The following SUFU variants were observed in gnomAD, a reference collection of about 807,000 sequenced individuals.
SUFU encodes the protein suppressor of fused homolog.
In SUFU, 7 loss-of-function variants were observed where a neutral mutation model predicts 58.9. The ratio of observed to expected loss-of-function variants is 0.12; its 90% CI spans 0.07 to 0.22. The LOEUF is 0.22. Ranked by LOEUF, SUFU falls within the 10% of genes least tolerant of loss-of-function variation. The pLI, the probability that SUFU is intolerant of heterozygous loss-of-function variation, is 1.00. For missense variants in SUFU, 451 were observed against 641.3 expected (o/e 0.70, Z 3.20); for synonymous variants, 232 against 254.8 (o/e 0.91, Z 0.85).
At chr10:102,512,854 A>T (rs1397430885) in intron 2 of SUFU, among the ~76,000 whole-genome samples, 1 of 152,116 alleles carries the variant, frequency 6.6e-6, no homozygotes, top group Non-Finnish European at 1.5e-5. Flanking sequence ...GCTTGAGCCC[A>T]GGAGTTTGAC....
At chr10:102,567,546 C>T (rs976817799) in intron 3 of SUFU, among the ~76,000 whole-genome samples, 2 of 152,134 alleles carry the variant, frequency 1.3e-5, no homozygotes, top group African/African-American at 4.8e-5. Flanking sequence ...CAGAATGGCC[C>T]TCCCTCGAGG....
At chr10:102,612,788 C>A (rs1250226471) in intron 8 of SUFU, among the ~76,000 whole-genome samples, 1 of 152,228 alleles carries the variant, frequency 6.6e-6, no homozygotes, top group East Asian at 1.9e-4. Flanking sequence ...TAAACTCACT[C>A]TGAGCCCTTC....
intron 8 of SUFU, among the ~76,000 whole-genome samples, chr10:102,605,696 C>G (rs570124382): frequency 6.6e-6 from 1 of 150,814 alleles, no homozygotes; most frequent in South Asian, 2.1e-4. Flanking sequence ...TTTTCCAGTT[C>G]TGCCTTAAAG....
In SUFU at chr10:102,619,581, G is replaced by GGGT; in HGVS notation, c.1296+2155_1296+2156insTGG. 2 of 908,292 alleles carry GGGT rather than the reference G, an allele frequency of 2.2e-6. No homozygotes were observed. Among genetic ancestry groups the GGGT allele is most frequent in the Non-Finnish European group, 2.7e-6 (2 of 739,988 alleles). The allele number at this position is 908,292 out of a possible 1,614,324, so 56.3% of individuals were successfully genotyped here. A position where few individuals can be genotyped will look rare whatever the true frequency, so the allele number is the denominator to read the frequency against. On this transcript the variant is annotated intron_variant, in intron 10 of 11. Coordinates refer to ENST00000369902, the MANE Select transcript of SUFU (RefSeq NM_016169.4). This position sits in a 1 kb window ranked among gnomAD's most constrained non-coding sequence, Gnocchi z 4.2. ...CCAAGCACCCACCCTTGATCACCGA[G>GGGT]GGGTTTCTCAGGCCCTTTCCAAGGA...
chr10:102,542,739 C>T (rs539406999), intron 2 of SUFU, among the ~76,000 whole-genome samples: 1 of 151,748 alleles, frequency 6.6e-6, no homozygotes, highest in East Asian at 1.9e-4. Context: ...ATCCTCCTGC[C>T]TTAGCCTCCT....
At chr10:102,534,732 G>C (rs2062715602) in intron 2 of SUFU, among the ~76,000 whole-genome samples, 2 of 152,212 alleles carry the variant, frequency 1.3e-5, no homozygotes, top group Non-Finnish European at 2.9e-5. Flanking sequence ...CTGGAGTTTG[G>C]GTGAGTGGTC....
In SUFU at chr10:102,594,024, C is replaced by A. The variant is rs369465986; in HGVS notation, c.715C>A (p.Arg239=). The part of the protein sequence containing the change: ...AGGPWLITDM[R]RGETIFEIDP... ...CGGCCCCTGGCTGATAACTGACATGCGGAGGGGAGAGACCATATTTGAGAT... is the reference window on the plus strand; with the variant it reads ...CGGCCCCTGGCTGATAACTGACATGAGGAGGGGAGAGACCATATTTGAGAT... Residue 239 remains arginine, a synonymous_variant, in exon 6 of 12, where the codon CGG becomes AGG. Transcript: ENST00000369902. 2.7e-5 allele frequency: 44 copies of A among 1,613,986 alleles called. No homozygotes were observed. The highest frequency in any genetic ancestry group is 9.3e-5 in the African/African-American group (7 of 74,908).
chr10:102,552,824 G>T (rs1439119753), intron 3 of SUFU, among the ~76,000 whole-genome samples: 1 of 152,238 alleles, frequency 6.6e-6, no homozygotes, highest in Non-Finnish European at 1.5e-5. Context: ...ATGAAGAGAA[G>T]CTAAAGCAAA....
chr10:102,620,605 G>C (rs1481081533), intron 10 of SUFU, among the ~76,000 whole-genome samples: 1 of 152,220 alleles, frequency 6.6e-6, no homozygotes, highest in Non-Finnish European at 1.5e-5. Context: ...CCTGCCATTT[G>C]CTGTTTTCAT....
intron 3 of SUFU, among the ~76,000 whole-genome samples, chr10:102,579,150 G>A (rs1444522262): frequency 6.6e-6 from 1 of 152,216 alleles, no homozygotes; most frequent in Non-Finnish European, 1.5e-5. Context: ...ATATATGGGT[G>A]AGTAAATGAG....
intron 10 of SUFU, among the ~76,000 whole-genome samples, chr10:102,623,928 A>G (rs2063763961): frequency 6.6e-6 from 1 of 152,174 alleles, no homozygotes; most frequent in Admixed American, 6.5e-5. Flanking sequence ...CGATAGGGCA[A>G]GAGATTCCAT....
Position 102,631,369 on chromosome 10 carries a change from AC to A in SUFU, c.*1219del. Reference sequence around the variant, plus strand: ...GGCCTCTCGTGGTCCTCAGCCCCTCACCCCCAGTACTGCAGATCTCACAGTT... The same window carrying A: ...GGCCTCTCGTGGTCCTCAGCCCCTCACCCCAGTACTGCAGATCTCACAGTT... On this transcript the variant is annotated 3_prime_UTR_variant, in exon 12 of 12. Transcript: ENST00000369902. The A allele has an allele frequency of 4.3e-6, 1 of 232,308 alleles. No homozygotes were observed. Among genetic ancestry groups the A allele is most frequent in the Non-Finnish European group, 8.5e-6 (1 of 118,084 alleles). The allele number at this position is 232,308 out of a possible 1,614,324, so 14.4% of individuals were successfully genotyped here. A position where few individuals can be genotyped will look rare whatever the true frequency, so the allele number is the denominator to read the frequency against.
chr10:102,529,634 C>T (rs2062653582), intron 2 of SUFU, among the ~76,000 whole-genome samples: 1 of 152,092 alleles, frequency 6.6e-6, no homozygotes, highest in Non-Finnish European at 1.5e-5. Flanking sequence ...CACTGCACTC[C>T]AGCCTGGGCA....
At position 102,599,507 on chromosome 10, in the gene SUFU, C is replaced by A; in HGVS notation, c.985C>A (p.Pro329Thr). The change falls in exon 8 of 12, where the codon CCT becomes ACT. Residue 329 changes from proline to threonine, a missense_variant. Pro to Thr is a conservative substitution (Grantham distance 38). Coordinates refer to ENST00000369902, the MANE Select transcript of SUFU (RefSeq NM_016169.4). Reference protein sequence around the residue: ...NSKPVLPPINPQRQNGLAHDR... With the variant: ...NSKPVLPPINTQRQNGLAHDR... ...CAAACCTGTCCTTCCACCAATCAACCCTCAGCGGCAGAATGGCCTCGCCCA... is the reference window on the plus strand; with the variant it reads ...CAAACCTGTCCTTCCACCAATCAACACTCAGCGGCAGAATGGCCTCGCCCA... 1 of 1,614,190 alleles carries A rather than the reference C, an allele frequency of 6.2e-7. No homozygotes were observed. The highest frequency in any genetic ancestry group is 2.2e-5 in the East Asian group (1 of 44,880).
intron 2 of SUFU, among the ~76,000 whole-genome samples, chr10:102,517,946 C>T (rs552658470): frequency 3.9e-5 from 6 of 152,228 alleles, no homozygotes; most frequent in Non-Finnish European, 7.4e-5. Context: ...AGCGCCTGCC[C>T]TTAAAAATGC....
At chr10:102,548,623 C>G (rs939223507) in intron 2 of SUFU, among the ~76,000 whole-genome samples, 1 of 152,296 alleles carries the variant, frequency 6.6e-6, no homozygotes, top group South Asian at 2.1e-4. Flanking sequence ...AAAATTATAT[C>G]ATGAATGTAT....
At chr10:102,518,549 T>TATCTATCTATCTATC (rs35214493) in intron 2 of SUFU, among the ~76,000 whole-genome samples, 3,241 of 79,826 alleles carry the variant, frequency 0.041, 47 homozygotes, top group East Asian at 0.053. Context: ...ATCTATCTAT[T>TATCTATCTATCTATC]TATTTATTTA....
rs1387409576 is a variant in SUFU, at chr10:102,504,114, C to T, written c.-39C>T. On this transcript the variant is annotated 5_prime_UTR_variant, in exon 1 of 12. Coordinates refer to ENST00000369902, the MANE Select transcript of SUFU (RefSeq NM_016169.4). Reference sequence around the variant, plus strand: ...CCGTCAGTGCTCTCCCCGTCGTTTGCCCTCTCCAGTTCCCCCAGTGCCTGC... The same window carrying T: ...CCGTCAGTGCTCTCCCCGTCGTTTGTCCTCTCCAGTTCCCCCAGTGCCTGC... 6 of 1,524,946 alleles carry T rather than the reference C, an allele frequency of 3.9e-6. No homozygotes were observed. Among genetic ancestry groups the T allele is most frequent in the South Asian group, 1.2e-5 (1 of 82,452 alleles). 94.5% of individuals were successfully genotyped at this position (1,524,946 alleles called of 1,614,324 possible).
At chr10:102,525,828 A>G (rs1457459548) in intron 2 of SUFU, among the ~76,000 whole-genome samples, 9 of 152,198 alleles carry the variant, frequency 5.9e-5, no homozygotes, top group Non-Finnish European at 1.3e-4. Flanking sequence ...TTTAGAGCAC[A>G]TTACCTAAAT....
Sources: allele counts gnomAD v4.1 joint callset (sites outside exome capture counted in the v4.1 genomes callset), GRCh38; gene constraint gnomAD v4.1.1; non-coding constraint Gnocchi (gnomAD v3.1); transcripts MANE v1.5; gene names NCBI Gene and HGNC (gene_info 2026-07-23, HGNC 2026-07-21).